Variants in SHISA9 observed in about 807,000 individuals in gnomAD.
SHISA9 encodes the protein shisa family member 9, also known as protein shisa-9.
A neutral mutation model predicts 38.0 loss-of-function variants in SHISA9; 13 were observed. The ratio of observed to expected loss-of-function variants is 0.34; its 90% confidence interval spans 0.22 to 0.54. The LOEUF (loss-of-function observed/expected upper bound fraction) is 0.54. SHISA9 is among the 20% of genes least tolerant of loss of function. The pLI is 0.91. For synonymous variants in SHISA9, 275 were observed against 242.0 expected, an observed-to-expected ratio of 1.14 and a Z score of -1.27; for missense variants, 538 against 575.8, an observed-to-expected ratio of 0.93 and a Z score of 0.67.
chr16:13,221,044 A>AAC (rs1300936310), intron 4 of SHISA9, among the ~76,000 whole-genome samples: 2 of 151,608 alleles, frequency 1.3e-5, no homozygotes, highest in East Asian at 3.9e-4. Context: ...GAAAAAAAAA[A>AAC]AATCACAGTA....
chr16:12,949,508 T>C (rs1286782106), intron 2 of SHISA9, among the ~76,000 whole-genome samples: 1 of 152,220 alleles, frequency 6.6e-6, no homozygotes, highest in East Asian at 1.9e-4. Flanking sequence ...TAGCCACATG[T>C]GGCTACAAAG....
chr16:13,531,782 G>A, the SHISA9 span, among the ~76,000 whole-genome samples: 10 of 152,088 alleles, frequency 6.6e-5, no homozygotes, highest in Non-Finnish European at 1.5e-5. Flanking sequence ...GGTGTGGGGG[G>A]CAGGGAATAC....
chr16:13,411,943 A>G, the SHISA9 span, among the ~76,000 whole-genome samples: 1 of 151,734 alleles, frequency 6.6e-6, no homozygotes, highest in Non-Finnish European at 1.5e-5. Flanking sequence ...GAGGGTCAAT[A>G]AATTTTAGCT....
chr16:13,221,317 T>C (rs530261703), intron 4 of SHISA9, among the ~76,000 whole-genome samples: 2 of 152,290 alleles, frequency 1.3e-5, no homozygotes, highest in South Asian at 4.1e-4. Context: ...CCTGGTCCTC[T>C]CCTGCTTAGG....
chr16:13,230,445 G>C (rs2051321003), intron 4 of SHISA9, among the ~76,000 whole-genome samples: 1 of 152,192 alleles, frequency 6.6e-6, no homozygotes, highest in Non-Finnish European at 1.5e-5. Flanking sequence ...TTGTTGGTTT[G>C]ACAGTTGTGC....
At chr16:12,935,457 T>C (rs1348121429) in intron 2 of SHISA9, among the ~76,000 whole-genome samples, 3 of 152,174 alleles carry the variant, frequency 2.0e-5, no homozygotes, top group Non-Finnish European at 4.4e-5. Context: ...TTTTTGTCTC[T>C]AACTAGGCAT....
chr16:13,009,206 A>C (rs974899928), intron 2 of SHISA9, among the ~76,000 whole-genome samples: 1 of 152,038 alleles, frequency 6.6e-6, no homozygotes, highest in Admixed American at 6.5e-5. Context: ...TTCAGCACAG[A>C]TCTTCTTAGC....
At chr16:13,429,335 G>T in the SHISA9 span, among the ~76,000 whole-genome samples, 1 of 152,158 alleles carries the variant, frequency 6.6e-6, no homozygotes, top group African/African-American at 2.4e-5. Flanking sequence ...CAACAGAGTT[G>T]GTTTTTTCTG....
chr16:13,391,562 G>T, the SHISA9 span, among the ~76,000 whole-genome samples: 2 of 152,274 alleles, frequency 1.3e-5, no homozygotes, highest in Admixed American at 6.5e-5. Context: ...GGCTGGGTTC[G>T]GGGGGAGTTC....
At chr16:13,456,634 C>G in the SHISA9 span, among the ~76,000 whole-genome samples, 3 of 152,182 alleles carry the variant, frequency 2.0e-5, no homozygotes, top group Non-Finnish European at 2.9e-5. Context: ...AGGGTCTTGG[C>G]CACTGGACAG....
chr16:13,419,509 A>C, the SHISA9 span, among the ~76,000 whole-genome samples: 1 of 152,232 alleles, frequency 6.6e-6, no homozygotes, highest in African/African-American at 2.4e-5. Flanking sequence ...TTTAAACCTT[A>C]GCCTTTGTTA....
At chr16:13,003,886 T>TAAGAAGAAG (rs758652679) in intron 2 of SHISA9, among the ~76,000 whole-genome samples, 32 of 146,036 alleles carry the variant, frequency 2.2e-4, no homozygotes, top group African/African-American at 4.8e-4. Context: ...ATAATAATAA[T>TAAGAAGAAG]AATAAGAAGA....
At chr16:13,529,241 A>C in the SHISA9 span, among the ~76,000 whole-genome samples, 3 of 152,338 alleles carry the variant, frequency 2.0e-5, no homozygotes, top group African/African-American at 7.2e-5. Flanking sequence ...GCCAGGCAAA[A>C]GTTAACTCAC....
intron 2 of SHISA9, among the ~76,000 whole-genome samples, chr16:12,934,028 G>T (rs1397568691): frequency 6.6e-6 from 1 of 152,164 alleles, no homozygotes; most frequent in African/African-American, 2.4e-5. Context: ...AGAGTGGGGG[G>T]AAAGGGCATT....
intron 4 of SHISA9, among the ~76,000 whole-genome samples, chr16:13,227,621 T>TA (rs1156735632): frequency 3.3e-5 from 5 of 152,206 alleles, no homozygotes; most frequent in Non-Finnish European, 5.9e-5. Flanking sequence ...AGGGGAATCT[T>TA]AGATTATTTT....
At chr16:13,095,809 C>G (rs2073819737) in intron 2 of SHISA9, among the ~76,000 whole-genome samples, 2 of 152,254 alleles carry the variant, frequency 1.3e-5, no homozygotes, top group South Asian at 4.1e-4. Context: ...GCAATCAACT[C>G]TAGCGCAATG....
intron 1 of SHISA9, among the ~76,000 whole-genome samples, chr16:12,915,299 T>C (rs1358888486): frequency 6.6e-6 from 1 of 152,110 alleles, no homozygotes; most frequent in African/African-American, 2.4e-5. Context: ...TGAGACCACG[T>C]CTCTACAAAA....
At chr16:13,332,806 T>G in the SHISA9 span, among the ~76,000 whole-genome samples, 2 of 152,132 alleles carry the variant, frequency 1.3e-5, no homozygotes, top group African/African-American at 4.8e-5. Flanking sequence ...GCGTTTGCCT[T>G]TGAGTATATG....
the SHISA9 span, among the ~76,000 whole-genome samples, chr16:13,326,582 G>T: frequency 1.1e-3 from 171 of 152,316 alleles, no homozygotes; most frequent in African/African-American, 4.0e-3. Flanking sequence ...TTAGCTGGGC[G>T]TAGTGTCGCA....
Sources: allele counts gnomAD v4.1 joint callset (sites outside exome capture counted in the v4.1 genomes callset), GRCh38; gene constraint gnomAD v4.1.1; transcripts MANE v1.5; gene names NCBI Gene and HGNC (gene_info 2026-07-23, HGNC 2026-07-21).